ATP13A4: variants seen among roughly 807,000 people sequenced by gnomAD.
The protein encoded by ATP13A4 is ATPase 13A4, also known as probable cation-transporting ATPase 13A4.
ATP13A4 carries 114 observed loss-of-function variants against 142.5 expected under a neutral mutation model. The ratio of observed to expected loss-of-function variants is 0.80; its 90% CI spans 0.69 to 0.93. The LOEUF is 0.93. ATP13A4 is among the 40% of genes least tolerant of loss of function. ATP13A4 has a pLI of 0.00. For synonymous variants in ATP13A4, 488 were observed against 514.8 expected (o/e 0.95, Z 0.70); for missense variants, 1,392 against 1,454.0 (o/e 0.96, Z 0.69).
At chr3:193,407,719 G>A (rs1231240665) in intron 28 of ATP13A4, among the ~76,000 whole-genome samples, 1 of 152,110 alleles carries the variant, frequency 6.6e-6, no homozygotes, top group Non-Finnish European at 1.5e-5. Flanking sequence ...TTTGCAATTA[G>A]AAAAGAAGAG....
chr3:193,440,373 G>C, intron 21 of ATP13A4, 185 bp downstream of exon 21: 1 of 1,145,554 alleles, frequency 8.7e-7, no homozygotes, highest in Non-Finnish European at 1.2e-6. Context: ...ACTGAATCAG[G>C]ATCTCTGAAT....
At position 193,470,914 on chromosome 3, in the gene ATP13A4, T is replaced by C. The variant is rs200341383; in HGVS notation, c.888A>G (p.Pro296=). Residue 296 remains proline, a synonymous_variant, in exon 9 of 30, where the codon CCA becomes CCG. Transcript: ENST00000342695. ...LILTGNKVLM[P]CDAVLIEGSC... is the part of the protein sequence containing the mutation. The stretch of plus-strand genomic sequence containing the variant: ...TGCCTTCAATCAGAACGGCATCACA[T>C]GGCATTAGCACTTTGTTCCCTGTCA... The C allele has an allele frequency of 3.7e-6, 6 of 1,614,166 alleles. No homozygotes were observed. The highest frequency in any genetic ancestry group is 4.5e-5 in the East Asian group (2 of 44,864).
At chr3:193,575,507 G>A (rs1408409216) in intron 2 of ATP13A4, among the ~76,000 whole-genome samples, 1 of 152,188 alleles carries the variant, frequency 6.6e-6, no homozygotes, top group African/African-American at 2.4e-5. Context: ...AGAAATAAGG[G>A]AAGAGCAATG....
intron 1 of ATP13A4, among the ~76,000 whole-genome samples, chr3:193,523,068 C>G (rs768692828): frequency 6.6e-6 from 1 of 151,852 alleles, no homozygotes; most frequent in African/African-American, 2.4e-5. Flanking sequence ...TTTGGGAGGT[C>G]GAGGCACGCG....
intron 25 of ATP13A4, among the ~76,000 whole-genome samples, chr3:193,424,233 T>C (rs1251497145): frequency 1.3e-5 from 2 of 149,406 alleles, no homozygotes; most frequent in Non-Finnish European, 3.0e-5. Flanking sequence ...GAAGAATTAA[T>C]ATTGTTGAAA....
At chr3:193,525,787 TC>T (rs1721964967) in intron 1 of ATP13A4, among the ~76,000 whole-genome samples, 1 of 152,248 alleles carries the variant, frequency 6.6e-6, no homozygotes. Context: ...TATATATTAA[TC>T]TTCCATTGAA....
chr3:193,589,798 C>A (rs1053492717), intron 1 of ATP13A4, among the ~76,000 whole-genome samples: 5 of 152,120 alleles, frequency 3.3e-5, no homozygotes, highest in African/African-American at 1.2e-4. Flanking sequence ...CTTGACTCTG[C>A]CCTTCACTAG....
At chr3:193,433,097 G>C (rs1263307023) in intron 25 of ATP13A4, among the ~76,000 whole-genome samples, 3 of 152,044 alleles carry the variant, frequency 2.0e-5, no homozygotes, top group Non-Finnish European at 2.9e-5. Flanking sequence ...CATGAATGTT[G>C]GTTGAGATTT....
chr3:193,499,672 T>C (rs1378746136), intron 3 of ATP13A4, among the ~76,000 whole-genome samples: 2 of 152,208 alleles, frequency 1.3e-5, no homozygotes, highest in African/African-American at 2.4e-5. Context: ...GGATTCAAGC[T>C]GTATAAAGTG....
At chr3:193,560,896 C>A (rs539863882) in intron 2 of ATP13A4, among the ~76,000 whole-genome samples, 12 of 152,338 alleles carry the variant, frequency 7.9e-5, no homozygotes, top group African/African-American at 2.9e-4. Flanking sequence ...ATGTTCCCAA[C>A]AAGCAGTTAG....
At chr3:193,541,086 A>G (rs963745600) in intron 1 of ATP13A4, among the ~76,000 whole-genome samples, 5 of 151,868 alleles carry the variant, frequency 3.3e-5, no homozygotes, top group Non-Finnish European at 4.4e-5. Flanking sequence ...CGTCTCTACT[A>G]AAAATACAAA....
chr3:193,468,425 T>C (rs1209032717), intron 9 of ATP13A4, among the ~76,000 whole-genome samples: 1 of 151,962 alleles, frequency 6.6e-6, no homozygotes, highest in African/African-American at 2.4e-5. Context: ...CAGCTGGCAG[T>C]GGGGATAGAA....
chr3:193,449,076 A>T lies in ATP13A4; in HGVS notation c.2028-746T>A, dbSNP rs75467858. 4.7e-3 allele frequency among the ~76,000 whole-genome samples: 713 copies of T among 152,318 alleles called. 6 individuals carry two copies. The highest frequency in any genetic ancestry group is 0.014 in the African/African-American group (597 of 41,568). On this transcript the variant is annotated intron_variant, in intron 17 of 29. Transcript: ENST00000342695. ...TAGCCCCAGGAGATATGAGGTCATA[A>T]TCTCAACAAACAGGCCTCTCTATTC...
At chr3:193,451,825 A>C (rs187882064) in intron 17 of ATP13A4, among the ~76,000 whole-genome samples, 337 of 152,286 alleles carry the variant, frequency 2.2e-3, no homozygotes, top group Non-Finnish European at 3.6e-3. Flanking sequence ...CAACAGCAAG[A>C]ATGTTCCATC....
At chr3:193,440,369 T>A (rs1455453434) in intron 21 of ATP13A4, 189 bp downstream of exon 21, 1 of 1,112,496 alleles carries the variant, frequency 9.0e-7, no homozygotes, top group African/African-American at 1.6e-5. Context: ...AACAACTGAA[T>A]CAGGATCTCT....
intron 2 of ATP13A4, among the ~76,000 whole-genome samples, chr3:193,506,870 T>C (rs920753822): frequency 6.6e-6 from 1 of 152,192 alleles, no homozygotes; most frequent in Non-Finnish European, 1.5e-5. Flanking sequence ...TCCCCAGACA[T>C]GCTGAACTGT....
At chr3:193,453,077 A>G (rs1486177401) in intron 17 of ATP13A4, among the ~76,000 whole-genome samples, 1 of 152,164 alleles carries the variant, frequency 6.6e-6, no homozygotes, top group Non-Finnish European at 1.5e-5. Flanking sequence ...TAGATGTTGC[A>G]GCCTCAATTA....
intron 3 of ATP13A4, among the ~76,000 whole-genome samples, chr3:193,499,396 C>T (rs74549707): frequency 0.023 from 3,434 of 152,272 alleles, 69 homozygotes; most frequent in Admixed American, 0.053. Flanking sequence ...GTATTCTTTG[C>T]AATTTTGCAA....
intron 3 of ATP13A4, among the ~76,000 whole-genome samples, chr3:193,495,535 A>C (rs1055077142): frequency 2.6e-5 from 4 of 152,172 alleles, no homozygotes; most frequent in Non-Finnish European, 5.9e-5. Context: ...AAAATTCAAC[A>C]TCCTTTCATG....
Sources: gnomAD v4.1 joint callset for allele counts (sites outside exome capture counted in the v4.1 genomes callset) on GRCh38, gnomAD v4.1.1 for gene constraint, MANE v1.5 for transcripts, NCBI Gene and HGNC (gene_info 2026-07-23, HGNC 2026-07-21) for gene names.